Variants in LPA observed in about 807,000 individuals in gnomAD.
LPA encodes the protein apolipoprotein(a).
A neutral mutation model predicts 197.9 loss-of-function variants in LPA; 199 were observed. The ratio of observed to expected loss-of-function variants is 1.01; its 90% CI spans 0.90 to 1.13. The LOEUF is 1.13. Ranked by LOEUF, LPA falls within the 50% of genes most tolerant of loss-of-function variation. LPA has a pLI of 0.00. For synonymous variants in LPA, 715 were observed against 639.5 expected (o/e 1.12, Z -1.78); for missense variants, 1,853 against 1,785.8 (o/e 1.04, Z -0.68).
chr6:160,598,569 G>A (rs759271950), intron 20 of LPA, among the ~76,000 whole-genome samples: 2 of 152,160 alleles, frequency 1.3e-5, no homozygotes, highest in Non-Finnish European at 2.9e-5. Context: ...CGTGTCTTTG[G>A]TAGTCACTTA....
In LPA at chr6:160,577,430, G is replaced by A. The variant is rs982463234; in HGVS notation, c.4472-135C>T. On this transcript the variant is annotated intron_variant, in intron 27 of 38. Transcript: ENST00000316300. ...TTTTTTCTACTAGTAGCAAAAGGAT[G>A]TGAAAAGACCCAGTAGATTCATAGT... is the stretch of plus-strand genomic sequence containing the variant. 3.7e-5 allele frequency: 27 copies of A among 735,020 alleles called. No homozygotes were observed. In the Middle Eastern group the frequency reaches 9.8e-4, roughly 27 times the overall value. 45.5% of individuals were successfully genotyped at this position (735,020 alleles called of 1,614,324 possible).
At chr6:160,547,456 G>C (rs1312909796) in intron 32 of LPA, among the ~76,000 whole-genome samples, 1 of 152,178 alleles carries the variant, frequency 6.6e-6, no homozygotes, top group African/African-American at 2.4e-5. Context: ...ACCTCCTGCT[G>C]TGCAGCCCAG....
intron 36 of LPA, among the ~76,000 whole-genome samples, chr6:160,539,013 G>T (rs1777936037): frequency 6.6e-6 from 1 of 152,182 alleles, no homozygotes; most frequent in Non-Finnish European, 1.5e-5. Flanking sequence ...TAAAGGCTGA[G>T]CCAGAAAGGC....
chr6:160,576,392 A>ATG (rs1249334331), intron 28 of LPA, among the ~76,000 whole-genome samples: 2,798 of 67,888 alleles, frequency 0.041, 84 homozygotes, highest in African/African-American at 0.049. Flanking sequence ...ATATATATGT[A>ATG]TATATATATA....
chr6:160,652,879 A>C (rs1780031763), intron 1 of LPA, among the ~76,000 whole-genome samples: 1 of 152,148 alleles, frequency 6.6e-6, no homozygotes, highest in Non-Finnish European at 1.5e-5. Context: ...TATTATAAAC[A>C]TTGTGGAAAA....
At chr6:160,650,157 G>C (rs1181018483) in intron 2 of LPA, among the ~76,000 whole-genome samples, 181 bp downstream of exon 2, 1 of 152,162 alleles carries the variant, frequency 6.6e-6, no homozygotes, top group Non-Finnish European at 1.5e-5. Flanking sequence ...TCAGGAAAGA[G>C]AGCCAGCTTA....
intron 28 of LPA, among the ~76,000 whole-genome samples, chr6:160,564,784 G>A (rs961463707): frequency 1.1e-4 from 17 of 152,162 alleles, no homozygotes; most frequent in Admixed American, 4.6e-4. Context: ...GGAAAATCGG[G>A]ACACTCCCAC....
chr6:160,570,685 T>C (rs1778546967), intron 28 of LPA, among the ~76,000 whole-genome samples: 2 of 152,140 alleles, frequency 1.3e-5, no homozygotes, highest in East Asian at 1.9e-4. Flanking sequence ...TTCTGGCTTG[T>C]AGAGTTTCTG....
rs1401879722 is a variant in LPA, at chr6:160,595,357, C to G, written c.3466G>C (p.Glu1156Gln). The G allele has an allele frequency of 6.2e-7, 1 of 1,612,144 alleles. No individual in the cohort carries two copies. The highest frequency in any genetic ancestry group is 2.2e-5 in the East Asian group (1 of 44,890). Residue 1156 changes from glutamate to glutamine, a missense_variant, in exon 21 of 39, where the codon GAA becomes CAA. This residue lies in a region of LPA where 1,737 missense variants were observed against 1,504.4 expected (regional missense o/e 1.15). Transcript: ENST00000316300. ...TGTCTGGCCATAGACTTCCTACCTTCTTCAGAAGAAGCCTCTGTGCTTGGA... is the reference window on the plus strand; with the variant it reads ...TGTCTGGCCATAGACTTCCTACCTTGTTCAGAAGAAGCCTCTGTGCTTGGA... The part of the protein sequence containing the change: ...PDPSTEASSE[E>Q]APTEQSPGVQ...
intron 2 of LPA, among the ~76,000 whole-genome samples, chr6:160,647,587 A>T (rs1046387854): frequency 6.6e-5 from 10 of 152,146 alleles, no homozygotes; most frequent in African/African-American, 1.9e-4. Context: ...TTTTGAATAC[A>T]TAAAATATTG....
chr6:160,531,588 CA>C lies in LPA; in HGVS notation c.*140del. 8.6e-7 allele frequency: 1 copy of C among 1,168,864 alleles called. No individual in the cohort carries two copies. The highest frequency in any genetic ancestry group is 1.3e-6 in the Non-Finnish European group (1 of 797,462). 72.4% of individuals were successfully genotyped at this position (1,168,864 alleles called of 1,614,324 possible). The stretch of plus-strand genomic sequence containing the variant: ...CTTAAAAGCTTATACACAAAAATAC[CA>C]AAAATGCCAAGGTTTGGCATAGCTG... On this transcript the variant is annotated 3_prime_UTR_variant, in exon 39 of 39. Coordinates refer to ENST00000316300, the MANE Select transcript of LPA (RefSeq NM_005577.4).
intron 37 of LPA, among the ~76,000 whole-genome samples, chr6:160,534,160 G>C (rs1583561710): frequency 1.3e-5 from 2 of 152,186 alleles, no homozygotes; most frequent in Admixed American, 1.3e-4. Flanking sequence ...GAGCTGCATG[G>C]AGGAAGCTCC....
intron 18 of LPA, among the ~76,000 whole-genome samples, chr6:160,601,612 T>A (rs532695393): frequency 6.6e-6 from 1 of 152,324 alleles, no homozygotes; most frequent in Admixed American, 6.5e-5. Flanking sequence ...AGCAGTCTCA[T>A]TCAATGTACT....
intron 1 of LPA, among the ~76,000 whole-genome samples, chr6:160,654,733 C>T (rs908850286): frequency 3.3e-5 from 5 of 152,088 alleles, no homozygotes; most frequent in African/African-American, 4.8e-5. Context: ...ATGTGAAGTC[C>T]ATAAATCTAA....
chr6:160,544,702 T>G (rs1778036876), intron 33 of LPA, among the ~76,000 whole-genome samples: 1 of 152,194 alleles, frequency 6.6e-6, no homozygotes. Flanking sequence ...CAGGGTGGTG[T>G]TCTGTAACTC....
At chr6:160,598,331 T>C (rs1342230308) in intron 20 of LPA, among the ~76,000 whole-genome samples, 1 of 152,168 alleles carries the variant, frequency 6.6e-6, no homozygotes, top group Non-Finnish European at 1.5e-5. Context: ...TTCTTACTCT[T>C]AGCATGGCTA....
chr6:160,552,067 C>T (rs997735882), intron 30 of LPA, among the ~76,000 whole-genome samples: 6 of 152,106 alleles, frequency 3.9e-5, no homozygotes, highest in African/African-American at 1.2e-4. Context: ...TGCAAGTCAT[C>T]ACATCGATCT....
chr6:160,654,669 A>G (rs1474693699), intron 1 of LPA, among the ~76,000 whole-genome samples: 1 of 152,214 alleles, frequency 6.6e-6, no homozygotes, highest in African/African-American at 2.4e-5. Flanking sequence ...TTATTACATA[A>G]GGTTAACAAT....
chr6:160,558,534 A>G (rs1022102746), intron 28 of LPA, among the ~76,000 whole-genome samples: 1 of 152,146 alleles, frequency 6.6e-6, no homozygotes, highest in African/African-American at 2.4e-5. Context: ...ACAGGATGCC[A>G]TTTCTCTAGG....
Sources: allele counts gnomAD v4.1 joint callset (sites outside exome capture counted in the v4.1 genomes callset), GRCh38; gene constraint gnomAD v4.1.1; regional missense constraint gnomAD v4.1.1; transcripts MANE v1.5; gene names NCBI Gene and HGNC (gene_info 2026-07-23, HGNC 2026-07-21).